STARD3NL: variants seen among roughly 807,000 people sequenced by gnomAD.
STARD3NL encodes STARD3 N-terminal like, also known as STARD3 N-terminal-like protein.
A neutral mutation model predicts 30.9 loss-of-function variants in STARD3NL; 17 were observed. The ratio of observed to expected loss-of-function variants is 0.55; its 90% CI spans 0.38 to 0.82. STARD3NL has a LOEUF of 0.82. STARD3NL is among the 40% of genes least tolerant of loss of function. The pLI is 0.00. For missense variants in STARD3NL, 234 were observed against 277.6 expected (o/e 0.84, Z 1.12); for synonymous variants, 112 against 100.5 (o/e 1.11, Z -0.69).
At chr7:38,183,475 T>C (rs1223321105) in intron 1 of STARD3NL, among the ~76,000 whole-genome samples, 1 of 152,228 alleles carries the variant, frequency 6.6e-6, no homozygotes, top group Non-Finnish European at 1.5e-5. Flanking sequence ...GAGAGATGCT[T>C]AATAAATATG....
At chr7:38,179,080 T>G (rs1351743893) in intron 1 of STARD3NL, 1 of 152,258 alleles carries the variant, frequency 6.6e-6, no homozygotes, top group Non-Finnish European at 1.5e-5. Flanking sequence ...ATTTGTCTTC[T>G]ATTTCACAGA....
chr7:38,220,143 C>T (rs1170655399), intron 7 of STARD3NL, among the ~76,000 whole-genome samples: 1 of 152,170 alleles, frequency 6.6e-6, no homozygotes, highest in Non-Finnish European at 1.5e-5. Flanking sequence ...CAAATCCTGC[C>T]ACTTCTTATC....
At chr7:38,215,127 G>A in intron 4 of STARD3NL, 22 bp downstream of exon 4, 1 of 1,611,338 alleles carries the variant, frequency 6.2e-7, no homozygotes, top group African/African-American at 1.3e-5. Flanking sequence ...CTGCATGAGT[G>A]GGTCATCTCC....
intron 1 of STARD3NL, among the ~76,000 whole-genome samples, chr7:38,182,134 A>T (rs544347349): frequency 6.6e-6 from 1 of 152,248 alleles, no homozygotes; most frequent in South Asian, 2.1e-4. Context: ...AAAACTTGAC[A>T]ATTTGTGTTA....
intron 6 of STARD3NL, among the ~76,000 whole-genome samples, 169 bp from the exon 7 acceptor site, chr7:38,219,392 ATTGT>A (rs1294115377): frequency 1.3e-5 from 2 of 152,254 alleles, no homozygotes; most frequent in East Asian, 1.9e-4. Context: ...TCTTTACAGT[ATTGT>A]TTGTCATTTG....
chr7:38,213,930 C>T (rs1785952005), intron 2 of STARD3NL, among the ~76,000 whole-genome samples: 1 of 152,152 alleles, frequency 6.6e-6, no homozygotes, highest in East Asian at 1.9e-4. Context: ...CCATCATTGA[C>T]GTTTGCCCGG....
At chr7:38,186,253 C>CA (rs202173753) in intron 1 of STARD3NL, among the ~76,000 whole-genome samples, 1,817 of 152,178 alleles carry the variant, frequency 0.012, 26 homozygotes, top group Admixed American at 0.021. Flanking sequence ...TCAAAATTGG[C>CA]AAAAATAATG....
At chr7:38,183,849 A>G (rs1456432143) in intron 1 of STARD3NL, among the ~76,000 whole-genome samples, 2 of 152,194 alleles carry the variant, frequency 1.3e-5, no homozygotes, top group African/African-American at 4.8e-5. Context: ...TCTGGAACCA[A>G]TTCCCTGCAT....
chr7:38,190,818 A>G (rs1453204813), intron 1 of STARD3NL, among the ~76,000 whole-genome samples: 4 of 152,174 alleles, frequency 2.6e-5, no homozygotes, highest in African/African-American at 9.7e-5. Flanking sequence ...ACTTCTCTGA[A>G]GAGTCCAGGA....
chr7:38,227,876 T>C (rs1256763369), intron 7 of STARD3NL, among the ~76,000 whole-genome samples: 2 of 152,190 alleles, frequency 1.3e-5, no homozygotes, highest in African/African-American at 4.8e-5. Flanking sequence ...TTATTCATAT[T>C]CTGCTTTTTA....
intron 8 of STARD3NL, 27 bp from the exon 9 acceptor site, chr7:38,229,896 T>A (rs1238792625): frequency 1.3e-5 from 2 of 152,382 alleles, no homozygotes; most frequent in East Asian, 3.8e-4. Context: ...ATTTATTAAA[T>A]ACTTTTGTCT....
chr7:38,227,286 C>A (rs1005762201), intron 7 of STARD3NL, among the ~76,000 whole-genome samples: 4 of 152,172 alleles, frequency 2.6e-5, no homozygotes, highest in Non-Finnish European at 5.9e-5. Flanking sequence ...TCTGATGTGA[C>A]CATCTTCCTC....
intron 1 of STARD3NL, among the ~76,000 whole-genome samples, chr7:38,195,901 C>G (rs1006269803): frequency 6.6e-6 from 1 of 152,182 alleles, no homozygotes; most frequent in Non-Finnish European, 1.5e-5. Flanking sequence ...AGAAACTACT[C>G]CGTATTATCA....
intron 5 of STARD3NL, 44 bp downstream of exon 5, chr7:38,217,122 TG>T (rs1306548604): frequency 6.2e-7 from 1 of 1,613,908 alleles, no homozygotes; most frequent in African/African-American, 1.3e-5. Context: ...TCTTCAGTGA[TG>T]AAGCCTCGTT....
intron 1 of STARD3NL, among the ~76,000 whole-genome samples, chr7:38,194,678 TAC>T (rs968964654): frequency 6.6e-6 from 1 of 152,126 alleles, no homozygotes; most frequent in African/African-American, 2.4e-5. Context: ...TAAATAGTAC[TAC>T]GTTATGGAAG....
At position 38,219,559 on chromosome 7, in the gene STARD3NL, T is replaced by C; in HGVS notation, c.554-6T>C. 6.3e-7 allele frequency: 1 copy of C among 1,591,194 alleles called. No homozygotes were observed. Among genetic ancestry groups the C allele is most frequent in the South Asian group, 1.1e-5 (1 of 89,224 alleles). ...ATTCCCAACATCTGAATTTCTTCTCTTCCAGGACTCCTGATAGTTCAGGAT... is the reference window on the plus strand; with the variant it reads ...ATTCCCAACATCTGAATTTCTTCTCCTCCAGGACTCCTGATAGTTCAGGAT... On this transcript the variant is annotated splice_region_variant and splice_polypyrimidine_tract_variant and intron_variant, in intron 6 of 8. Transcript: ENST00000009041.
intron 7 of STARD3NL, among the ~76,000 whole-genome samples, chr7:38,224,190 C>T (rs1039637980): frequency 6.6e-6 from 1 of 152,124 alleles, no homozygotes; most frequent in Admixed American, 6.6e-5. Flanking sequence ...AACATATTGT[C>T]TGTATCCACA....
At chr7:38,213,433 A>C (rs1432006449) in intron 2 of STARD3NL, among the ~76,000 whole-genome samples, 2 of 152,214 alleles carry the variant, frequency 1.3e-5, no homozygotes, top group African/African-American at 4.8e-5. Context: ...AATGATACCT[A>C]AGCTAGGAAT....
chr7:38,184,301 A>G (rs1784364202), intron 1 of STARD3NL, among the ~76,000 whole-genome samples: 1 of 152,136 alleles, frequency 6.6e-6, no homozygotes, highest in South Asian at 2.1e-4. Context: ...CAGGATGGCG[A>G]AACTTCCTGT....
Sources: gnomAD v4.1 joint callset for allele counts (sites outside exome capture counted in the v4.1 genomes callset) on GRCh38, gnomAD v4.1.1 for gene constraint, MANE v1.5 for transcripts, NCBI Gene and HGNC (gene_info 2026-07-23, HGNC 2026-07-21) for gene names.